The following VDAC1 variants were observed in gnomAD, a reference collection of about 807,000 sequenced individuals.
VDAC1 encodes non-selective voltage-gated ion channel VDAC1.
Under a neutral mutation model 34.7 loss-of-function variants are expected in VDAC1, and 10 were observed. That is an observed-to-expected ratio of 0.29 (90% CI 0.18 to 0.49). VDAC1 has a LOEUF of 0.49. Ranked by LOEUF, VDAC1 falls within the 20% of genes least tolerant of loss-of-function variation. VDAC1 has a pLI of 0.99. For synonymous variants in VDAC1, 130 were observed against 136.0 expected (o/e 0.96, Z 0.30); for missense variants, 230 against 347.9 (o/e 0.66, Z 2.69).
the VDAC1 span, among the ~76,000 whole-genome samples, chr5:134,038,217 G>A: frequency 6.6e-6 from 1 of 152,204 alleles, no homozygotes. Context: ...CTAATTTAAT[G>A]AGGGTGATTA....
the VDAC1 span, among the ~76,000 whole-genome samples, chr5:134,093,993 C>G: frequency 6.6e-6 from 1 of 152,232 alleles, no homozygotes; most frequent in Admixed American, 6.5e-5. Flanking sequence ...TTGTTACTTT[C>G]CTGCAATCTG....
the VDAC1 span, among the ~76,000 whole-genome samples, chr5:134,114,452 G>A: frequency 6.6e-6 from 1 of 152,188 alleles, no homozygotes; most frequent in Non-Finnish European, 1.5e-5. Flanking sequence ...TCTGGTTGTA[G>A]GTGAGTAAGC....
At chr5:134,010,469 G>C in the VDAC1 span, among the ~76,000 whole-genome samples, 1 of 151,992 alleles carries the variant, frequency 6.6e-6, no homozygotes, top group Non-Finnish European at 1.5e-5. Flanking sequence ...ATAGTGGTAG[G>C]CGCCTGTAAT....
At chr5:134,001,602 C>A (rs182458202) in intron 1 of VDAC1, among the ~76,000 whole-genome samples, 2 of 151,536 alleles carry the variant, frequency 1.3e-5, no homozygotes, top group Admixed American at 6.6e-5. Flanking sequence ...CCTGTAATCC[C>A]GGCTACTCGA....
At chr5:133,979,424 C>CTTT (rs71581380) in intron 6 of VDAC1, among the ~76,000 whole-genome samples, 2,096 of 80,966 alleles carry the variant, frequency 0.026, 90 homozygotes, top group East Asian at 0.038. Context: ...ATTTTCTTTG[C>CTTT]TTTTTTTTTT....
the VDAC1 span, among the ~76,000 whole-genome samples, chr5:134,016,733 G>A: frequency 3.3e-5 from 5 of 152,214 alleles, no homozygotes; most frequent in Non-Finnish European, 5.9e-5. Flanking sequence ...GAGGCCAGAT[G>A]CAATTAAAAT....
chr5:133,998,181 T>G (rs1753406267), intron 1 of VDAC1, among the ~76,000 whole-genome samples: 1 of 152,184 alleles, frequency 6.6e-6, no homozygotes, highest in African/African-American at 2.4e-5. Flanking sequence ...TACACATCTT[T>G]CTATGTTCAT....
At position 133,972,468 on chromosome 5, in the gene VDAC1, A is replaced by G; in HGVS notation, c.*303T>C. On this transcript the variant is annotated 3_prime_UTR_variant, in exon 9 of 9. Transcript: ENST00000265333. ...TCATTCATTTACTCAATATGAATTTACAAAGTGCCTACATATTATCCGCTT... is the reference window on the plus strand; with the variant it reads ...TCATTCATTTACTCAATATGAATTTGCAAAGTGCCTACATATTATCCGCTT... 2.3e-6 allele frequency: 1 copy of G among 442,924 alleles called. No individual in the cohort carries two copies. The highest frequency in any genetic ancestry group is 3.4e-5 in the East Asian group (1 of 29,712). The allele number at this position is 442,924 out of a possible 1,614,324, so 27.4% of individuals were successfully genotyped here. A position where few individuals can be genotyped will look rare whatever the true frequency, so the allele number is the denominator to read the frequency against.
At chr5:134,024,792 G>T in the VDAC1 span, among the ~76,000 whole-genome samples, 4 of 152,190 alleles carry the variant, frequency 2.6e-5, no homozygotes, top group Admixed American at 2.6e-4. Context: ...GGTAGATTCT[G>T]TTCTCTGCTC....
At position 133,972,553 on chromosome 5, in the gene VDAC1, T is replaced by C; in HGVS notation, c.*218A>G. 2.2e-6 allele frequency: 1 copy of C among 451,262 alleles called. No homozygotes were observed. The highest frequency in any genetic ancestry group is 3.9e-6 in the Non-Finnish European group (1 of 255,468). The allele number at this position is 451,262 out of a possible 1,614,324, so 28.0% of individuals were successfully genotyped here. The stretch of plus-strand genomic sequence containing the variant: ...TGGCATCTCAAAGGGGCCACCAAGT[T>C]CTCCCCGAGTCTACCACTGAAAGGA... On this transcript the variant is annotated 3_prime_UTR_variant, in exon 9 of 9. Transcript: ENST00000265333.
the VDAC1 span, among the ~76,000 whole-genome samples, chr5:134,045,666 A>G: frequency 6.7e-6 from 1 of 148,634 alleles, no homozygotes; most frequent in South Asian, 2.1e-4. Flanking sequence ...TGGTATCCCC[A>G]TCCCAAGATT....
At chr5:134,009,311 G>A (rs573479206), upstream of VDAC1, among the ~76,000 whole-genome samples, 130 of 136,296 alleles carry the variant, frequency 9.5e-4, no homozygotes, top group African/African-American at 3.3e-3. Flanking sequence ...GCTGGAGTAC[G>A]GTGGCATGAT....
At chr5:134,001,856 A>C (rs1561601157) in intron 1 of VDAC1, among the ~76,000 whole-genome samples, 1 of 151,964 alleles carries the variant, frequency 6.6e-6, no homozygotes, top group East Asian at 1.9e-4. Context: ...CACAGTTCTG[A>C]GTAAAGAACT....
the VDAC1 span, among the ~76,000 whole-genome samples, chr5:134,012,573 T>C: frequency 6.6e-6 from 1 of 152,082 alleles, no homozygotes; most frequent in Non-Finnish European, 1.5e-5. Flanking sequence ...AAGACACAGT[T>C]AGAAAGCATC....
chr5:133,974,195 T>G (rs1580705042), intron 7 of VDAC1, among the ~76,000 whole-genome samples: 1 of 152,170 alleles, frequency 6.6e-6, no homozygotes, highest in Non-Finnish European at 1.5e-5. Flanking sequence ...GGTTCTAGTT[T>G]AGGAGACTTA....
chr5:134,016,354 C>A, the VDAC1 span, among the ~76,000 whole-genome samples: 1 of 152,170 alleles, frequency 6.6e-6, no homozygotes, highest in South Asian at 2.1e-4. Flanking sequence ...TGGAATCCTA[C>A]CAGAAAATTC....
the VDAC1 span, among the ~76,000 whole-genome samples, chr5:134,030,095 C>G: frequency 0.033 from 5,025 of 152,180 alleles, 123 homozygotes; most frequent in Non-Finnish European, 0.053. Context: ...AATCCCAGCA[C>G]TTTGGGAGGC....
chr5:134,054,127 A>G, the VDAC1 span, among the ~76,000 whole-genome samples: 1 of 152,232 alleles, frequency 6.6e-6, no homozygotes, highest in African/African-American at 2.4e-5. Flanking sequence ...AGGAATTTAC[A>G]AGGTGTCTTT....
the VDAC1 span, among the ~76,000 whole-genome samples, chr5:134,114,481 TAG>T: frequency 6.6e-6 from 1 of 152,092 alleles, no homozygotes; most frequent in African/African-American, 2.4e-5. Flanking sequence ...GAGTTCCCGT[TAG>T]AGTCTCTGCG....
Sources: gnomAD v4.1 joint callset for allele counts (sites outside exome capture counted in the v4.1 genomes callset) on GRCh38, gnomAD v4.1.1 for gene constraint, MANE v1.5 for transcripts, NCBI Gene and HGNC (gene_info 2026-07-23, HGNC 2026-07-21) for gene names.